DCLK1: variants seen among roughly 807,000 people sequenced by gnomAD.
DCLK1 encodes the protein doublecortin like kinase 1, also known as serine/threonine-protein kinase DCLK1.
A neutral mutation model predicts 86.2 loss-of-function variants in DCLK1; 16 were observed. The observed-to-expected ratio is 0.19, with a 90% CI of 0.13 to 0.28. The LOEUF (loss-of-function observed/expected upper bound fraction) is 0.28, where lower values mean the gene tolerates loss of function less well. Ranked by LOEUF, DCLK1 falls within the 10% of genes least tolerant of loss-of-function variation. The pLI is 1.00. For synonymous variants in DCLK1, 369 were observed against 370.5 expected (o/e 1.00, Z 0.05); for missense variants, 590 against 940.2 (o/e 0.63, Z 4.87).
In DCLK1 at chr13:35,941,079, C is replaced by A. The variant is rs1260469202; in HGVS notation, c.823+6279G>T. Among the ~76,000 whole-genome samples the A allele has an allele frequency of 2.0e-5, 3 of 152,190 alleles. No individual in the cohort carries two copies. In the East Asian group the frequency reaches 5.8e-4, roughly 29 times the overall value. On this transcript the variant is annotated intron_variant, in intron 4 of 16. Transcript: ENST00000360631. ...AGCAGGCTTGGAGATGTAGAGACCA[C>A]ACAGAAAGTAGGACATAGAGCCTGG...
rs540540766 is a variant in DCLK1, at chr13:36,026,386, C to T, written c.724-78929G>A. On this transcript the variant is annotated intron_variant, in intron 3 of 16. Transcript: ENST00000360631. ...AAACTACAACCCAACCCACAGCCAA[C>T]TGTCAACAATTTGAGACAAATAAGA... is the stretch of plus-strand genomic sequence containing the variant. Among the ~76,000 whole-genome samples the T allele has an allele frequency of 9.0e-4, 137 of 152,320 alleles. 1 individual carries two copies. Among genetic ancestry groups the T allele is most frequent in the African/African-American group, 3.2e-3 (134 of 41,576 alleles).
At chr13:35,855,599 C>A in intron 5 of DCLK1, 4 of 1,555,748 alleles carry the variant, frequency 2.6e-6, no homozygotes, top group African/African-American at 1.3e-5. Context: ...CAAGCACCCG[C>A]GGAAATGGGA....
intron 4 of DCLK1, among the ~76,000 whole-genome samples, chr13:35,942,292 G>A (rs1402635514): frequency 2.6e-5 from 4 of 152,062 alleles, no homozygotes; most frequent in African/African-American, 7.2e-5. Context: ...TCAGCCTCCC[G>A]AGTAGCTGGG....
intron 5 of DCLK1, among the ~76,000 whole-genome samples, chr13:35,858,121 A>G (rs958426781): frequency 6.6e-6 from 1 of 152,142 alleles, no homozygotes; most frequent in Non-Finnish European, 1.5e-5. Context: ...GAGGGAAACA[A>G]TACTGGGTGC....
chr13:35,810,729 A>G (rs2087124389), intron 12 of DCLK1, 106 bp downstream of exon 12: 1 of 1,341,562 alleles, frequency 7.5e-7, no homozygotes, highest in South Asian at 1.6e-5. Flanking sequence ...AAGAAACCTG[A>G]TAGCTAATTA....
chr13:35,813,452 C>T (rs1405789919), intron 11 of DCLK1, among the ~76,000 whole-genome samples: 2 of 152,102 alleles, frequency 1.3e-5, no homozygotes, highest in Non-Finnish European at 2.9e-5. Context: ...TCTTTTCGAA[C>T]ATCTACATTT....
intron 3 of DCLK1, among the ~76,000 whole-genome samples, chr13:36,078,540 G>A (rs1884297664): frequency 6.6e-6 from 1 of 152,138 alleles, no homozygotes; most frequent in Non-Finnish European, 1.5e-5. Context: ...ATATTGTAAT[G>A]CATTATTATT....
intron 4 of DCLK1, among the ~76,000 whole-genome samples, chr13:35,914,346 T>C (rs60853622): frequency 4.6e-4 from 38 of 82,248 alleles, no homozygotes; most frequent in African/African-American, 2.0e-3. Context: ...TATATATATA[T>C]ATACATATAT....
At chr13:35,791,504 C>T (rs1031145902) in intron 16 of DCLK1, among the ~76,000 whole-genome samples, 1 of 152,038 alleles carries the variant, frequency 6.6e-6, no homozygotes, top group Non-Finnish European at 1.5e-5. Context: ...TCTTCAAATA[C>T]TAATGAGTGT....
chr13:36,125,924 T>C lies in DCLK1; in HGVS notation c.214A>G (p.Ile72Val). The change falls in exon 2 of 17, where the codon ATT becomes GTT. Residue 72 changes from isoleucine (I) to valine (V), a missense_variant. By Grantham distance (29) the Ile-to-Val change is conservative. Coordinates refer to ENST00000360631, the MANE Select transcript of DCLK1 (RefSeq NM_001330071.2). ...YRNGDRYFKG[I>V]VYAISPDRFR... ...CGGTCTGGGGAGATGGCATACACAATCCCTTTGAAGTATCGATCTCCGTTT... is the reference window on the plus strand; with the variant it reads ...CGGTCTGGGGAGATGGCATACACAACCCCTTTGAAGTATCGATCTCCGTTT... 1 of 1,614,096 alleles carries C rather than the reference T, an allele frequency of 6.2e-7. No homozygotes were observed. The highest frequency in any genetic ancestry group is 8.5e-7 in the Non-Finnish European group (1 of 1,180,016).
chr13:35,808,108 A>G (rs2087066236), intron 14 of DCLK1, 116 bp downstream of exon 14: 1 of 1,006,246 alleles, frequency 9.9e-7, no homozygotes. Context: ...TACAACTAAA[A>G]TGTGTACAGA....
At chr13:35,825,820 A>ATTT (rs61515185) in intron 10 of DCLK1, among the ~76,000 whole-genome samples, 6 of 150,288 alleles carry the variant, frequency 4.0e-5, no homozygotes, top group African/African-American at 1.2e-4. Context: ...TTTCTTTTTT[A>ATTT]TTTTTTTTTG....
intron 4 of DCLK1, among the ~76,000 whole-genome samples, chr13:35,943,325 T>G (rs1276282823): frequency 6.6e-6 from 1 of 152,196 alleles, no homozygotes; most frequent in African/African-American, 2.4e-5. Context: ...AGCACAGCCC[T>G]GCCAGTACCT....
rs916196600 is a variant in DCLK1 at position 35,988,242 on chromosome 13, C to A, written c.724-40785G>T. Reference sequence around the variant, plus strand: ...ACATGAGATCTGATCCCCAATGTGACCTCAGCATGCTGACATCAGCCCCTG... The same window carrying A: ...ACATGAGATCTGATCCCCAATGTGAACTCAGCATGCTGACATCAGCCCCTG... On this transcript the variant is annotated intron_variant, in intron 3 of 16. Coordinates refer to ENST00000360631, the MANE Select transcript of DCLK1 (RefSeq NM_001330071.2). 3.3e-5 allele frequency among the ~76,000 whole-genome samples: 5 copies of A among 152,368 alleles called. 1 individual carries two copies. The highest frequency in any genetic ancestry group is 3.3e-4 in the Admixed American group (5 of 15,306).
intron 3 of DCLK1, among the ~76,000 whole-genome samples, chr13:36,041,573 C>A (rs1165612100): frequency 6.6e-6 from 1 of 152,126 alleles, no homozygotes; most frequent in African/African-American, 2.4e-5. Flanking sequence ...TTTGTCTCAT[C>A]CATTGTTCTC....
chr13:36,087,094 A>G (rs1884634874), intron 3 of DCLK1, among the ~76,000 whole-genome samples: 1 of 152,204 alleles, frequency 6.6e-6, no homozygotes, highest in Non-Finnish European at 1.5e-5. Flanking sequence ...TTAACAGTGT[A>G]AAAGCTATTT....
chr13:36,040,518 A>G (rs1882665557), intron 3 of DCLK1, among the ~76,000 whole-genome samples: 1 of 151,498 alleles, frequency 6.6e-6, no homozygotes, highest in Admixed American at 6.6e-5. Context: ...AGTTCATTCT[A>G]TCAGCATGAC....
In DCLK1 at chr13:36,100,179, C is replaced by CAAAAAAAAAAA. The variant is rs58824322; in HGVS notation, c.723+11679_723+11689dup. Among the ~76,000 whole-genome samples the CAAAAAAAAAAA allele has an allele frequency of 4.8e-4, 18 of 37,702 alleles. 1 individual carries two copies. Among genetic ancestry groups the CAAAAAAAAAAA allele is most frequent in the Non-Finnish European group, 6.9e-4 (16 of 23,300 alleles). 24.7% of individuals were successfully genotyped at this position (37,702 alleles called of 152,430 possible). On this transcript the variant is annotated intron_variant, in intron 3 of 16. Coordinates refer to ENST00000360631, the MANE Select transcript of DCLK1 (RefSeq NM_001330071.2). Reference sequence around the variant, plus strand: ...ACAACAGGGCAAAACCCTGTCTCTACAAAAAAAAAAAAAAAAAAAAAAAAA... The same window carrying CAAAAAAAAAAA: ...ACAACAGGGCAAAACCCTGTCTCTACAAAAAAAAAAAAAAAAAAAAAAAAAAAAAAAAAAAA...
At chr13:35,978,225 T>C (rs1202131182) in intron 3 of DCLK1, among the ~76,000 whole-genome samples, 1 of 147,652 alleles carries the variant, frequency 6.8e-6, no homozygotes, top group African/African-American at 2.5e-5. Flanking sequence ...TTTTTTTTTT[T>C]TGACGGAGTC....
Sources: gnomAD v4.1 joint callset for allele counts (sites outside exome capture counted in the v4.1 genomes callset) on GRCh38, gnomAD v4.1.1 for gene constraint, MANE v1.5 for transcripts, NCBI Gene and HGNC (gene_info 2026-07-23, HGNC 2026-07-21) for gene names.